Variants in ROBO2 observed in about 807,000 individuals in gnomAD.
ROBO2 encodes the protein roundabout homolog 2.
ROBO2 carries 53 observed loss-of-function variants against 160.8 expected under a neutral mutation model. The ratio of observed to expected loss-of-function variants is 0.33; its 90% CI spans 0.26 to 0.41. ROBO2 has a LOEUF of 0.41. Ranked by LOEUF, ROBO2 falls within the 10% of genes least tolerant of loss-of-function variation. The pLI, the probability that ROBO2 is intolerant of heterozygous loss-of-function variation, is 1.00. For missense variants in ROBO2, 1,577 were observed against 1,722.4 expected, an observed-to-expected ratio of 0.92 and a Z score of 1.49; for synonymous variants, 664 against 611.7, an observed-to-expected ratio of 1.09 and a Z score of -1.26.
chr3:77,559,330 C>T (rs986767816), intron 9 of ROBO2, among the ~76,000 whole-genome samples: 1 of 152,112 alleles, frequency 6.6e-6, no homozygotes, highest in African/African-American at 2.4e-5. Flanking sequence ...GGCACCTGTC[C>T]TCTATCAGTA....
chr3:77,528,907 T>C (rs1487400602), intron 6 of ROBO2, among the ~76,000 whole-genome samples: 1 of 151,580 alleles, frequency 6.6e-6, no homozygotes, highest in East Asian at 1.9e-4. Context: ...TTCTTGTATT[T>C]GTAGGGATTC....
intron 18 of ROBO2, among the ~76,000 whole-genome samples, chr3:77,595,833 CAT>C (rs898297155): frequency 6.6e-6 from 1 of 151,960 alleles, no homozygotes; most frequent in Non-Finnish European, 1.5e-5. Flanking sequence ...CATAGAAACA[CAT>C]GTTTCTCTTA....
intron 2 of ROBO2, among the ~76,000 whole-genome samples, chr3:76,866,323 G>T (rs745783054): frequency 6.6e-6 from 1 of 152,048 alleles, no homozygotes; most frequent in Non-Finnish European, 1.5e-5. Context: ...TTGGAAGAAC[G>T]CTATTTGTAT....
chr3:77,190,785 A>G (rs1455781511), intron 2 of ROBO2, among the ~76,000 whole-genome samples: 1 of 152,094 alleles, frequency 6.6e-6, no homozygotes, highest in Non-Finnish European at 1.5e-5. Context: ...GTCTGTATAC[A>G]AAACCATTAT....
intron 2 of ROBO2, among the ~76,000 whole-genome samples, chr3:76,096,120 A>T (rs1391681062): frequency 6.6e-6 from 1 of 152,154 alleles, no homozygotes; most frequent in Non-Finnish European, 1.5e-5. Flanking sequence ...TGTGCAGTGC[A>T]TGTCATAGGC....
intron 2 of ROBO2, among the ~76,000 whole-genome samples, chr3:76,823,638 T>C (rs2066310931): frequency 6.6e-6 from 1 of 152,084 alleles, no homozygotes; most frequent in Admixed American, 6.6e-5. Flanking sequence ...GGATGTGAGG[T>C]ATTAAAAATG....
At chr3:76,881,852 T>C (rs978314467) in intron 2 of ROBO2, among the ~76,000 whole-genome samples, 1 of 152,206 alleles carries the variant, frequency 6.6e-6, no homozygotes, top group Admixed American at 6.5e-5. Flanking sequence ...CCTAATTCCA[T>C]CTGGTGGCTT....
chr3:76,400,023 A>G (rs887577137), intron 2 of ROBO2, among the ~76,000 whole-genome samples: 5 of 151,642 alleles, frequency 3.3e-5, no homozygotes, highest in African/African-American at 7.3e-5. Context: ...CAACTTCTCT[A>G]TATAAAGAAT....
At chr3:75,913,190 C>T (rs1007278332) in intron 1 of ROBO2, among the ~76,000 whole-genome samples, 2 of 152,118 alleles carry the variant, frequency 1.3e-5, no homozygotes, top group Non-Finnish European at 1.5e-5. Flanking sequence ...TTCCTTTCTC[C>T]GCATTGTCTC....
intron 2 of ROBO2, among the ~76,000 whole-genome samples, chr3:76,233,787 A>C (rs1255922440): frequency 1.3e-5 from 2 of 151,230 alleles, no homozygotes; most frequent in Non-Finnish European, 3.0e-5. Flanking sequence ...ATAAACGTAC[A>C]CTCTTTTAGT....
chr3:77,607,606 G>GA lies in ROBO2; in HGVS notation c.3137-183dup, dbSNP rs149046009. Among the ~76,000 whole-genome samples, 449 of 148,518 alleles carry GA rather than the reference G, an allele frequency of 3.0e-3. 5 individuals are homozygous for GA. In the East Asian group the frequency reaches 0.036, roughly 12 times the overall value. Reference sequence around the variant, plus strand: ...TCAGCTCTGCTGTTAATGCACTGGGGAAAAAAAAACAGTATCATTTTGAGT... The same window carrying GA: ...TCAGCTCTGCTGTTAATGCACTGGGGAAAAAAAAAACAGTATCATTTTGAGT... On this transcript the variant is annotated intron_variant, in intron 20 of 25. Transcript: ENST00000461745.
At chr3:77,195,598 A>C (rs537433367) in intron 2 of ROBO2, among the ~76,000 whole-genome samples, 1 of 152,324 alleles carries the variant, frequency 6.6e-6, no homozygotes, top group South Asian at 2.1e-4. Flanking sequence ...AAACATTTTA[A>C]ATCTGTCTTA....
chr3:77,370,383 A>G (rs1391347274), intron 2 of ROBO2, among the ~76,000 whole-genome samples: 1 of 152,206 alleles, frequency 6.6e-6, no homozygotes, highest in Admixed American at 6.5e-5. Flanking sequence ...ATATTGATGA[A>G]TACAATTCCT....
chr3:76,288,106 C>G (rs1708616834), intron 2 of ROBO2, among the ~76,000 whole-genome samples: 1 of 106,258 alleles, frequency 9.4e-6, no homozygotes, highest in African/African-American at 5.5e-5. Context: ...GCTAATCAGC[C>G]CTTGTAATAT....
chr3:76,239,953 C>T (rs151057301), intron 2 of ROBO2, among the ~76,000 whole-genome samples: 2 of 151,916 alleles, frequency 1.3e-5, no homozygotes, highest in East Asian at 2.0e-4. Flanking sequence ...TTTGCAGGCA[C>T]GTTGGGAGTG....
intron 2 of ROBO2, among the ~76,000 whole-genome samples, chr3:76,792,563 C>A (rs533197064): frequency 1.3e-5 from 2 of 151,638 alleles, no homozygotes; most frequent in Non-Finnish European, 2.9e-5. Context: ...GGTAATTCTA[C>A]TTCTTAAGAA....
intron 2 of ROBO2, among the ~76,000 whole-genome samples, chr3:76,617,834 G>T (rs1258664213): frequency 6.6e-6 from 1 of 151,136 alleles, no homozygotes. Context: ...ATGGTGGAAG[G>T]CACTTCACAG....
chr3:77,589,028 G>T (rs2094121621), intron 17 of ROBO2, 95 bp downstream of exon 18: 2 of 1,466,368 alleles, frequency 1.4e-6, no homozygotes, highest in Non-Finnish European at 1.9e-6. Flanking sequence ...TGAGTGATTT[G>T]GGCTTATTTT....
intron 2 of ROBO2, among the ~76,000 whole-genome samples, chr3:76,038,714 C>T (rs1351857177): frequency 2.0e-5 from 3 of 151,816 alleles, no homozygotes; most frequent in Admixed American, 6.6e-5. Context: ...TTGTTAGTAG[C>T]CATCTGACAT....
Sources: allele counts gnomAD v4.1 joint callset (sites outside exome capture counted in the v4.1 genomes callset), GRCh38; gene constraint gnomAD v4.1.1; transcripts MANE v1.5; gene names NCBI Gene and HGNC (gene_info 2026-07-23, HGNC 2026-07-21).